The following DTWD2 variants were observed in gnomAD, a reference collection of about 807,000 sequenced individuals.
DTWD2 encodes tRNA-uridine aminocarboxypropyltransferase 2.
A neutral mutation model predicts 31.8 loss-of-function variants in DTWD2; 39 were observed. The ratio of observed to expected loss-of-function variants is 1.22; its 90% CI spans 0.95 to 1.60. The LOEUF (loss-of-function observed/expected upper bound fraction) is 1.60, where lower values mean the gene tolerates loss of function less well. Ranked by LOEUF, DTWD2 falls within the 40% of genes most tolerant of loss-of-function variation. The pLI, the probability that DTWD2 is intolerant of heterozygous loss-of-function variation, is 0.00. For missense variants in DTWD2, 515 were observed against 381.5 expected, an observed-to-expected ratio of 1.35 and a Z score of -2.92; for synonymous variants, 180 against 142.8, an observed-to-expected ratio of 1.26 and a Z score of -1.86.
intron 4 of DTWD2, among the ~76,000 whole-genome samples, chr5:118,920,347 T>TTA (rs1374744822): frequency 6.6e-6 from 1 of 151,944 alleles, no homozygotes. Flanking sequence ...TATTATTGTA[T>TTA]TATATATATA....
chr5:118,904,266 C>A (rs185969324), intron 4 of DTWD2, among the ~76,000 whole-genome samples: 1 of 152,044 alleles, frequency 6.6e-6, no homozygotes, highest in Non-Finnish European at 1.5e-5. Context: ...AAAACACCCA[C>A]ATGTTCAAAA....
rs535184894 is a variant in DTWD2, at chr5:118,890,787, T to G, written c.597+37750A>C. 6.1e-4 allele frequency among the ~76,000 whole-genome samples: 93 copies of G among 152,260 alleles called. No homozygotes were observed. In the South Asian group the frequency reaches 0.018, roughly 30 times the overall value. On this transcript the variant is annotated intron_variant, in intron 4 of 5. Coordinates refer to ENST00000510708, the MANE Select transcript of DTWD2 (RefSeq NM_173666.4). Reference sequence around the variant, plus strand: ...GGTTTCGCCATGTTGGCCAGGATGGTCTCGATCTCTTGACCTTGTGATCCA... The same window carrying G: ...GGTTTCGCCATGTTGGCCAGGATGGGCTCGATCTCTTGACCTTGTGATCCA...
At chr5:118,943,222 C>G (rs541615135) in intron 2 of DTWD2, among the ~76,000 whole-genome samples, 1 of 152,276 alleles carries the variant, frequency 6.6e-6, no homozygotes, top group East Asian at 1.9e-4. Context: ...ACCAAATTGT[C>G]ATAATCCTGA....
chr5:118,950,815 G>A (rs1754447223), intron 1 of DTWD2, among the ~76,000 whole-genome samples: 1 of 152,218 alleles, frequency 6.6e-6, no homozygotes, highest in South Asian at 2.1e-4. Context: ...ATTGCTGCTT[G>A]GCTGCCTCTT....
intron 4 of DTWD2, among the ~76,000 whole-genome samples, chr5:118,874,071 C>CT (rs1363437278): frequency 6.6e-6 from 1 of 152,168 alleles, no homozygotes; most frequent in Non-Finnish European, 1.5e-5. Flanking sequence ...AGCACTCAGT[C>CT]TAAGAGGTGG....
intron 4 of DTWD2, among the ~76,000 whole-genome samples, chr5:118,918,899 CAT>C (rs990302880): frequency 6.6e-6 from 1 of 151,920 alleles, no homozygotes; most frequent in Non-Finnish European, 1.5e-5. Flanking sequence ...CTGCTACTCT[CAT>C]AACCAAAAAC....
intron 5 of DTWD2, among the ~76,000 whole-genome samples, chr5:118,844,859 C>T (rs1001476987): frequency 2.4e-4 from 37 of 152,166 alleles, no homozygotes; most frequent in African/African-American, 8.7e-4. Flanking sequence ...CTCTGGCAGG[C>T]ACAGTAGCTC....
intron 1 of DTWD2, among the ~76,000 whole-genome samples, chr5:118,947,950 T>C (rs1331479734): frequency 2.6e-5 from 4 of 152,168 alleles, no homozygotes; most frequent in Non-Finnish European, 4.4e-5. Flanking sequence ...CCAAAATGAA[T>C]TGAAGTTAGA....
At chr5:118,957,575 TATATAATATATATCTGTTTTAA>T (rs1301497979) in intron 1 of DTWD2, among the ~76,000 whole-genome samples, 1 of 152,052 alleles carries the variant, frequency 6.6e-6, no homozygotes, top group Non-Finnish European at 1.5e-5. Flanking sequence ...AACGGTGATA[TATATAATATATATCTGTTTTAA>T]ATATATATAC....
chr5:118,987,340 C>G (rs1755451287), intron 1 of DTWD2, among the ~76,000 whole-genome samples: 1 of 152,168 alleles, frequency 6.6e-6, no homozygotes, highest in African/African-American at 2.4e-5. Context: ...CATTCAAGAT[C>G]CTTTCCTCTG....
intron 1 of DTWD2, among the ~76,000 whole-genome samples, chr5:118,973,628 TCCTTGCTCGC>T (rs1275966869): frequency 4.0e-5 from 6 of 149,254 alleles, no homozygotes; most frequent in Non-Finnish European, 8.9e-5. Flanking sequence ...CGCGGCAGCC[TCCTTGCTCGC>T]GGCAGCCTCC....
chr5:118,946,081 C>T (rs1436030885), intron 1 of DTWD2, among the ~76,000 whole-genome samples: 3 of 152,200 alleles, frequency 2.0e-5, no homozygotes, highest in South Asian at 4.1e-4. Flanking sequence ...TCTCATTCTG[C>T]AAGAAACTGC....
intron 1 of DTWD2, among the ~76,000 whole-genome samples, chr5:118,979,255 G>T (rs879269909): frequency 6.6e-6 from 1 of 152,142 alleles, no homozygotes; most frequent in African/African-American, 2.4e-5. Flanking sequence ...AGTGAGCAAA[G>T]ACTGTGCCAC....
chr5:118,892,599 T>A (rs1307032870), intron 4 of DTWD2, among the ~76,000 whole-genome samples: 1 of 152,148 alleles, frequency 6.6e-6, no homozygotes, highest in African/African-American at 2.4e-5. Context: ...TTAAATTAAT[T>A]TGAAATACCA....
intron 4 of DTWD2, among the ~76,000 whole-genome samples, chr5:118,854,225 A>G (rs1260748147): frequency 6.6e-6 from 1 of 152,184 alleles, no homozygotes; most frequent in African/African-American, 2.4e-5. Flanking sequence ...TTTGATCCAA[A>G]TAAGAATTGT....
At chr5:118,905,432 T>C (rs972376653) in intron 4 of DTWD2, among the ~76,000 whole-genome samples, 1 of 152,134 alleles carries the variant, frequency 6.6e-6, no homozygotes, top group African/African-American at 2.4e-5. Context: ...CCTGATAAGA[T>C]ATAGAACTGA....
At chr5:118,965,161 C>T (rs1237619020) in intron 1 of DTWD2, among the ~76,000 whole-genome samples, 7 of 150,110 alleles carry the variant, frequency 4.7e-5, no homozygotes, top group Non-Finnish European at 8.9e-5. Context: ...CCCCTCCGCC[C>T]GGCAGCTGCC....
At chr5:118,856,703 A>G (rs1031196693) in intron 4 of DTWD2, among the ~76,000 whole-genome samples, 1 of 151,420 alleles carries the variant, frequency 6.6e-6, no homozygotes, top group South Asian at 2.1e-4. Context: ...TTTCTTTACT[A>G]AATTAGTCAT....
intron 5 of DTWD2, among the ~76,000 whole-genome samples, chr5:118,843,409 T>C (rs6892437): frequency 0.17 from 21,444 of 128,952 alleles, 2,207 homozygotes; most frequent in African/African-American, 0.37. Flanking sequence ...AAAAGGTAAA[T>C]ATCTTGGAAA....
Sources: gnomAD v4.1 joint callset for allele counts (sites outside exome capture counted in the v4.1 genomes callset) on GRCh38, gnomAD v4.1.1 for gene constraint, MANE v1.5 for transcripts, NCBI Gene and HGNC (gene_info 2026-07-23, HGNC 2026-07-21) for gene names.